The following PPP2R5C variants were observed in gnomAD, a reference collection of about 807,000 sequenced individuals.
PPP2R5C encodes protein phosphatase 2 regulatory subunit B'gamma.
Under a neutral mutation model 68.9 loss-of-function variants are expected in PPP2R5C, and 7 were observed. The ratio of observed to expected loss-of-function variants is 0.10; its 90% CI spans 0.06 to 0.19. PPP2R5C has a LOEUF of 0.19. PPP2R5C is among the 10% of genes least tolerant of loss of function. The pLI, the probability that PPP2R5C is intolerant of heterozygous loss-of-function variation, is 1.00. For missense variants in PPP2R5C, 348 were observed against 641.3 expected (o/e 0.54, Z 4.94); for synonymous variants, 210 against 222.2 (o/e 0.95, Z 0.49).
intron 9 of PPP2R5C, among the ~76,000 whole-genome samples, chr14:101,902,773 T>C (rs2045771553): frequency 6.6e-6 from 1 of 152,084 alleles, no homozygotes; most frequent in South Asian, 2.1e-4. Flanking sequence ...ACTGAGCCTT[T>C]CAAGATGGTT....
At chr14:101,867,045 T>G (rs999681058) in intron 2 of PPP2R5C, among the ~76,000 whole-genome samples, 1 of 152,000 alleles carries the variant, frequency 6.6e-6, no homozygotes, top group African/African-American at 2.4e-5. Context: ...GGTGGAACCC[T>G]GTCTCTACTA....
chr14:101,829,412 A>T (rs760406154), intron 1 of PPP2R5C, among the ~76,000 whole-genome samples: 1 of 152,046 alleles, frequency 6.6e-6, no homozygotes, highest in Non-Finnish European at 1.5e-5. Flanking sequence ...CTTACCAGGC[A>T]AGAAGGCCAA....
rs371062684 is a variant in PPP2R5C at position 101,916,859 on chromosome 14, G to A, written c.1327-972G>A. On this transcript the variant is annotated intron_variant, in intron 12 of 13. Coordinates refer to ENST00000334743, the Ensembl canonical transcript of PPP2R5C. The surrounding 1 kb of genome is among the most constrained non-coding windows in gnomAD (Gnocchi z 5.5). ...GAGAGCAGCCTGGGCAGGAACCCCC[G>A]CTCCCCTCTCCTGAACTCAGAGGCC... 2.7e-4 allele frequency among the ~76,000 whole-genome samples: 41 copies of A among 152,156 alleles called. No homozygotes were observed. In the South Asian group the frequency reaches 4.6e-3, roughly 17 times the overall value.
chr14:101,845,571 A>C (rs1337076637), intron 1 of PPP2R5C, among the ~76,000 whole-genome samples: 1 of 152,204 alleles, frequency 6.6e-6, no homozygotes, highest in African/African-American at 2.4e-5. Context: ...TTGAAATGAA[A>C]AATATCTGCC....
At position 101,762,973 on chromosome 14, in the gene PPP2R5C, A is replaced by G. The variant is rs1320246154; in HGVS notation, c.93+3A>G. 6.4e-7 allele frequency: 1 copy of G among 1,566,480 alleles called. No homozygotes were observed. The highest frequency in any genetic ancestry group is 8.7e-7 in the Non-Finnish European group (1 of 1,153,684). On this transcript the variant is annotated splice_donor_region_variant and intron_variant, in intron 2 of 14. Transcript: ENST00000328724. ...GACAAGACACAGTAGAATCAGAGGTAACTGTCATCAAATATTGACTTTGTA... is the reference window on the plus strand; with the variant it reads ...GACAAGACACAGTAGAATCAGAGGTGACTGTCATCAAATATTGACTTTGTA...
Position 101,891,998 on chromosome 14 carries a change from C to G in PPP2R5C, c.690-1002C>G, listed in dbSNP as rs890389594. ...TTGAGATAGAGTCTCGCTCTGTCAC[C>G]GAGGCTGGAGTGCAGTGGCCCGATC... is the stretch of plus-strand genomic sequence containing the variant. On this transcript the variant is annotated intron_variant, in intron 6 of 13. Coordinates refer to ENST00000334743, the Ensembl canonical transcript of PPP2R5C. This position sits in a 1 kb window ranked among gnomAD's most constrained non-coding sequence, Gnocchi z 4.9. Among the ~76,000 whole-genome samples the G allele has an allele frequency of 6.6e-6, 1 of 152,102 alleles. No individual in the cohort carries two copies. Among genetic ancestry groups the G allele is most frequent in the Admixed American group, 6.5e-5 (1 of 15,270 alleles).
At chr14:101,760,704 A>G (rs1319363318), upstream of PPP2R5C, 1 of 896,366 alleles carries the variant, frequency 1.1e-6, no homozygotes, top group African/African-American at 2.9e-5. Context: ...ACCTCGCGGG[A>G]GGAGCTGCGG....
intron 2 of PPP2R5C, among the ~76,000 whole-genome samples, chr14:101,770,069 A>G (rs1357118997): frequency 6.6e-6 from 1 of 152,218 alleles, no homozygotes; most frequent in Non-Finnish European, 1.5e-5. Context: ...AAACATAGAA[A>G]AGATACCATA....
intron 2 of PPP2R5C, among the ~76,000 whole-genome samples, chr14:101,772,331 C>T (rs1394845959): frequency 6.6e-6 from 1 of 151,920 alleles, no homozygotes; most frequent in Non-Finnish European, 1.5e-5. Context: ...TGTGGTTGGC[C>T]TACACCTGAT....
At position 101,908,823 on chromosome 14, in the gene PPP2R5C, T is replaced by C. The variant is rs541912027; in HGVS notation, c.1152-766T>C. Among the ~76,000 whole-genome samples the C allele has an allele frequency of 7.9e-4, 121 of 152,320 alleles. 1 individual carries two copies. Among genetic ancestry groups the C allele is most frequent in the Non-Finnish European group, 1.5e-3 (101 of 68,024 alleles). On this transcript the variant is annotated intron_variant, in intron 10 of 13. Coordinates refer to ENST00000334743, the Ensembl canonical transcript of PPP2R5C. ...CCGCCCATTGCAAAGAAAAAAATGT[T>C]CTTTTAAGTGTTTTCTAAGTACAAC... is the stretch of plus-strand genomic sequence containing the variant.
Position 101,906,790 on chromosome 14 carries a change from C to G in PPP2R5C, c.1151+261C>G, listed in dbSNP as rs983285888. ...CCCAGTAGCAGCAGTTTCTAGGCCTCTTCCTGAGCGTCCTGCAGAGAAGCT... is the reference window on the plus strand; with the variant it reads ...CCCAGTAGCAGCAGTTTCTAGGCCTGTTCCTGAGCGTCCTGCAGAGAAGCT... On this transcript the variant is annotated intron_variant, in intron 10 of 13. Coordinates refer to ENST00000334743, the Ensembl canonical transcript of PPP2R5C. This position sits in a 1 kb window ranked among gnomAD's most constrained non-coding sequence, Gnocchi z 4.0. 4.7e-6 allele frequency: 2 copies of G among 425,506 alleles called. No homozygotes were observed. Among genetic ancestry groups the G allele is most frequent in the Admixed American group, 4.1e-5 (1 of 24,274 alleles). 26.4% of individuals were successfully genotyped at this position (425,506 alleles called of 1,614,324 possible).
intron 1 of PPP2R5C, among the ~76,000 whole-genome samples, chr14:101,851,445 A>T (rs980478098): frequency 2.6e-5 from 4 of 152,118 alleles, no homozygotes; most frequent in African/African-American, 9.7e-5. Context: ...TAAAAAAAAT[A>T]AAAACGTGCA....
Position 101,925,044 on chromosome 14 carries a change from C to T in PPP2R5C, c.1444-97C>T, listed in dbSNP as rs568698674. On this transcript the variant is annotated intron_variant, in intron 13 of 13. Transcript: ENST00000334743. ...GCCGCCAGCGAGTGGGTGAGGCACACGTGCCTCGCGGTTATCCTTTGACTT... is the reference window on the plus strand; with the variant it reads ...GCCGCCAGCGAGTGGGTGAGGCACATGTGCCTCGCGGTTATCCTTTGACTT... The T allele has an allele frequency of 3.8e-4, 526 of 1,375,576 alleles. 2 individuals are homozygous for T. In the African/African-American group the frequency reaches 6.7e-3, roughly 18 times the overall value. The allele number at this position is 1,375,576 out of a possible 1,614,324, so 85.2% of individuals were successfully genotyped here. A position where few individuals can be genotyped will look rare whatever the true frequency, so the allele number is the denominator to read the frequency against.
chr14:101,871,273 G>A (rs1489540365), intron 2 of PPP2R5C, among the ~76,000 whole-genome samples: 4 of 151,528 alleles, frequency 2.6e-5, no homozygotes, highest in East Asian at 3.9e-4. Flanking sequence ...ACAGAGTCTC[G>A]CTCTGTCACC....
At chr14:101,897,896 C>A (rs1741136) in intron 8 of PPP2R5C, among the ~76,000 whole-genome samples, 12 of 152,066 alleles carry the variant, frequency 7.9e-5, no homozygotes, top group South Asian at 4.1e-4. Context: ...GGCTCATGCC[C>A]CTAATCCCAG....
chr14:101,804,010 C>T (rs2038977329), intron 3 of PPP2R5C, among the ~76,000 whole-genome samples: 1 of 152,070 alleles, frequency 6.6e-6, no homozygotes, highest in South Asian at 2.1e-4. Flanking sequence ...ATATAAGGAG[C>T]TCAAACAACT....
At chr14:101,815,464 C>T (rs1025759506) in intron 1 of PPP2R5C, among the ~76,000 whole-genome samples, 2 of 152,070 alleles carry the variant, frequency 1.3e-5, no homozygotes, top group African/African-American at 2.4e-5. Context: ...GATAATCTTA[C>T]CTGCTGTCCC....
At chr14:101,810,343 G>A in intron 1 of PPP2R5C, 1 of 276,232 alleles carries the variant, frequency 3.6e-6, no homozygotes, top group Non-Finnish European at 6.9e-6. Context: ...ACTGCCCAGG[G>A]AAGGTATTGG....
At chr14:101,884,125 A>G (rs1392492510) in intron 5 of PPP2R5C, among the ~76,000 whole-genome samples, 4 of 152,106 alleles carry the variant, frequency 2.6e-5, no homozygotes, top group Non-Finnish European at 5.9e-5. Flanking sequence ...CCAAGAGTCC[A>G]GAAGCTGAAG....
Sources: gnomAD v4.1 joint callset for allele counts (sites outside exome capture counted in the v4.1 genomes callset) on GRCh38, gnomAD v4.1.1 for gene constraint, Gnocchi (gnomAD v3.1) non-coding constraint, MANE v1.5 for transcripts, NCBI Gene and HGNC (gene_info 2026-07-23, HGNC 2026-07-21) for gene names.